The following PIAS2 variants were observed in gnomAD, a reference collection of about 807,000 sequenced individuals.
The protein encoded by PIAS2 is protein inhibitor of activated STAT 2.
Under a neutral mutation model 69.7 loss-of-function variants are expected in PIAS2, and 19 were observed. The observed-to-expected ratio is 0.27, with a 90% CI of 0.19 to 0.40. The LOEUF (loss-of-function observed/expected upper bound fraction) is 0.40. Ranked by LOEUF, PIAS2 falls within the 10% of genes least tolerant of loss-of-function variation. PIAS2 has a pLI of 1.00. For synonymous variants in PIAS2, 261 were observed against 263.2 expected (o/e 0.99, Z 0.08); for missense variants, 624 against 757.0 (o/e 0.82, Z 2.06).
At chr18:46,833,891 T>C (rs1402363205) in intron 9 of PIAS2, among the ~76,000 whole-genome samples, 3 of 152,222 alleles carry the variant, frequency 2.0e-5, no homozygotes, top group Non-Finnish European at 4.4e-5. Context: ...GAGAATAATC[T>C]GGGTGCTAGG....
At chr18:46,863,438 C>T (rs2048970456) in intron 3 of PIAS2, among the ~76,000 whole-genome samples, 1 of 152,064 alleles carries the variant, frequency 6.6e-6, no homozygotes, top group South Asian at 2.1e-4. Context: ...GATTCTCCCA[C>T]CTCAGCCTCC....
Position 46,846,844 on chromosome 18 carries a change from A to G in PIAS2, c.727-3T>C. The G allele has an allele frequency of 6.4e-7, 1 of 1,563,720 alleles. No homozygotes were observed. Among genetic ancestry groups the G allele is most frequent in the Non-Finnish European group, 8.6e-7 (1 of 1,157,730 alleles). On this transcript the variant is annotated splice_region_variant and splice_polypyrimidine_tract_variant and intron_variant, in intron 5 of 13. Transcript: ENST00000585916. ...TTTTTAGGCGGTGGTGCATAGCCCT[A>G]TAACCGTAAGAAAGAAAAATTATTT...
chr18:46,850,357 A>G (rs975050857), intron 5 of PIAS2, among the ~76,000 whole-genome samples: 1 of 152,178 alleles, frequency 6.6e-6, no homozygotes, highest in Non-Finnish European at 1.5e-5. Flanking sequence ...TATTCTATAA[A>G]CATAACCCCT....
chr18:46,844,451 T>C (rs1388359596), intron 7 of PIAS2, among the ~76,000 whole-genome samples: 3 of 152,114 alleles, frequency 2.0e-5, no homozygotes, highest in East Asian at 3.8e-4. Context: ...CAACACACAT[T>C]CATCACAGTT....
At chr18:46,866,282 T>G (rs1277102363) in intron 2 of PIAS2, among the ~76,000 whole-genome samples, 6 of 152,266 alleles carry the variant, frequency 3.9e-5, no homozygotes, top group Non-Finnish European at 5.9e-5. Flanking sequence ...CTATTGATTA[T>G]GTTTGATTAA....
intron 3 of PIAS2, among the ~76,000 whole-genome samples, chr18:46,857,609 T>C (rs1431650861): frequency 6.6e-6 from 1 of 152,082 alleles, no homozygotes; most frequent in Non-Finnish European, 1.5e-5. Flanking sequence ...GGAAACACGA[T>C]GTGAAGAAAG....
chr18:46,911,100 G>C (rs571304713), intron 1 of PIAS2, among the ~76,000 whole-genome samples: 2 of 151,984 alleles, frequency 1.3e-5, no homozygotes, highest in Non-Finnish European at 2.9e-5. Flanking sequence ...CCAAGACTCC[G>C]GAAAGTCTAC....
chr18:46,859,305 G>C (rs1481935010), intron 3 of PIAS2, among the ~76,000 whole-genome samples: 1 of 151,880 alleles, frequency 6.6e-6, no homozygotes, highest in Non-Finnish European at 1.5e-5. Context: ...GTGGGTGCCT[G>C]TAGTCCCAGC....
chr18:46,902,534 TG>T (rs1251959663), intron 1 of PIAS2, among the ~76,000 whole-genome samples: 1 of 151,792 alleles, frequency 6.6e-6, no homozygotes, highest in Non-Finnish European at 1.5e-5. Flanking sequence ...CACTCCAGCC[TG>T]GGCAACAAAA....
intron 11 of PIAS2, 96 bp downstream of exon 11, chr18:46,827,863 A>G: frequency 9.2e-7 from 1 of 1,085,432 alleles, no homozygotes; most frequent in Non-Finnish European, 1.3e-6. Flanking sequence ...ATAGCCTTCT[A>G]CAGTTATGCC....
rs754614849 is a variant in PIAS2, at chr18:46,844,885, T to C, written c.862-46A>G. 4 of 710,638 alleles carry C rather than the reference T, an allele frequency of 5.6e-6. No individual in the cohort carries two copies. In the South Asian group the frequency reaches 7.4e-5, roughly 13 times the overall value. 44.0% of individuals were successfully genotyped at this position (710,638 alleles called of 1,614,324 possible). ...CCTGCATTAAAGATGAGAGATAATA[T>C]TCTCTTTGTTTACATGAAATACTTA... On this transcript the variant is annotated intron_variant, in intron 6 of 13. Transcript: ENST00000585916.
intron 1 of PIAS2, among the ~76,000 whole-genome samples, chr18:46,895,429 G>A (rs1022485870): frequency 2.1e-4 from 32 of 152,132 alleles, no homozygotes; most frequent in African/African-American, 4.6e-4. Flanking sequence ...CCAGCACTTC[G>A]GGAGGCCAAA....
intron 2 of PIAS2, among the ~76,000 whole-genome samples, chr18:46,885,769 G>A (rs115924196): frequency 0.012 from 1,834 of 152,120 alleles, 31 homozygotes; most frequent in African/African-American, 0.04. Flanking sequence ...ATGAGGATAC[G>A]TGTATTTCTG....
At chr18:46,813,310 G>A (rs1346987033) in intron 13 of PIAS2, among the ~76,000 whole-genome samples, 1 of 152,088 alleles carries the variant, frequency 6.6e-6, no homozygotes, top group Non-Finnish European at 1.5e-5. Flanking sequence ...CCCTTTCCTA[G>A]TGCTCATATT....
At chr18:46,817,990 A>G in intron 12 of PIAS2, 6 of 986,356 alleles carry the variant, frequency 6.1e-6, no homozygotes, top group Non-Finnish European at 7.2e-6. Flanking sequence ...TCATACTGAT[A>G]TATTTTTATG....
At chr18:46,863,900 A>G (rs2049033785) in intron 3 of PIAS2, among the ~76,000 whole-genome samples, 1 of 152,182 alleles carries the variant, frequency 6.6e-6, no homozygotes, top group Non-Finnish European at 1.5e-5. Flanking sequence ...CCCCAATCCA[A>G]TATGACAGTG....
intron 12 of PIAS2, chr18:46,817,735 C>G: frequency 1.1e-6 from 1 of 939,160 alleles, no homozygotes. Context: ...GTAAATATTT[C>G]TCTCACTGAA....
intron 12 of PIAS2, chr18:46,817,386 A>T: frequency 2.1e-6 from 2 of 965,240 alleles, no homozygotes; most frequent in Non-Finnish European, 2.5e-6. Context: ...TTTGAAAATT[A>T]TATCAAGCCT....
intron 2 of PIAS2, among the ~76,000 whole-genome samples, chr18:46,880,959 TC>T (rs2052142742): frequency 6.6e-6 from 1 of 152,232 alleles, no homozygotes; most frequent in East Asian, 1.9e-4. Flanking sequence ...TCTAATTTAA[TC>T]AGATTTAAAT....
Sources: allele counts gnomAD v4.1 joint callset (sites outside exome capture counted in the v4.1 genomes callset), GRCh38; gene constraint gnomAD v4.1.1; transcripts MANE v1.5; gene names NCBI Gene and HGNC (gene_info 2026-07-23, HGNC 2026-07-21).